The following PPP2R2C variants were observed in gnomAD, a reference collection of about 807,000 sequenced individuals.
PPP2R2C encodes the protein protein phosphatase 2 regulatory subunit Bgamma, also known as protein phosphatase 2, regulatory subunit B, gamma.
Under a neutral mutation model 45.3 loss-of-function variants are expected in PPP2R2C, and 10 were observed. The observed-to-expected ratio is 0.22, with a 90% CI of 0.14 to 0.37. The LOEUF (loss-of-function observed/expected upper bound fraction) is 0.37, where lower values mean the gene tolerates loss of function less well. Ranked by LOEUF, PPP2R2C falls within the 10% of genes least tolerant of loss-of-function variation. PPP2R2C has a pLI of 1.00. For synonymous variants in PPP2R2C, 257 were observed against 245.4 expected (o/e 1.05, Z -0.44); for missense variants, 308 against 619.7 (o/e 0.50, Z 5.34).
intron 1 of PPP2R2C, among the ~76,000 whole-genome samples, chr4:6,424,406 C>G (rs973621575): frequency 5.9e-5 from 9 of 152,210 alleles, no homozygotes; most frequent in Non-Finnish European, 8.8e-5. Flanking sequence ...CCTGGGGCCC[C>G]TCTGCAGAGA....
At chr4:6,510,373 TG>T (rs1362212934) in intron 2 of PPP2R2C, among the ~76,000 whole-genome samples, 1 of 152,120 alleles carries the variant, frequency 6.6e-6, no homozygotes, top group Non-Finnish European at 1.5e-5. Context: ...TCTCTGGTCT[TG>T]GTTCAAATGA....
rs1032321120 is a variant in PPP2R2C at position 6,381,020 on chromosome 4, C to T, written c.145G>A (p.Val49Ile). The change falls in exon 2 of 9, where the codon GTC becomes ATC. Residue 49 changes from valine (V) to isoleucine (I), a missense_variant. Coordinates refer to ENST00000382599, the MANE Select transcript of PPP2R2C (RefSeq NM_020416.4). ...ACCTCTGGTTCCCGCTGGAAGATGA[C>T]GACCCGGCCGCCCTTGTCACCTGTG... ...LATGDKGGRV[V>I]IFQREPESKN... The T allele has an allele frequency of 4.5e-6, 7 of 1,548,606 alleles. No homozygotes were observed. The highest frequency in any genetic ancestry group is 1.8e-5 in the Admixed American group (1 of 55,552).
intron 2 of PPP2R2C, among the ~76,000 whole-genome samples, chr4:6,497,516 T>C (rs1180128763): frequency 3.9e-5 from 6 of 151,938 alleles, no homozygotes; most frequent in Admixed American, 3.9e-4. Context: ...TAGACAAAAA[T>C]AAATACTAAG....
At chr4:6,354,363 T>C (rs1712943771) in intron 5 of PPP2R2C, among the ~76,000 whole-genome samples, 1 of 152,214 alleles carries the variant, frequency 6.6e-6, no homozygotes, top group South Asian at 2.1e-4. Context: ...TCCTAGTCTC[T>C]GCCTGAACAC....
intron 6 of PPP2R2C, 31 bp from the exon 7 acceptor site, chr4:6,333,762 T>C: frequency 1.2e-6 from 2 of 1,612,794 alleles, no homozygotes; most frequent in South Asian, 1.1e-5. Flanking sequence ...TGGCCGTCAC[T>C]GCGCTGCTCC....
chr4:6,503,415 C>A (rs1269839826), intron 2 of PPP2R2C, among the ~76,000 whole-genome samples: 2 of 152,198 alleles, frequency 1.3e-5, no homozygotes, highest in Non-Finnish European at 2.9e-5. Context: ...AGTTGCCTCC[C>A]CTCCCATCAC....
chr4:6,544,170 C>T (rs1050085404), intron 1 of PPP2R2C, among the ~76,000 whole-genome samples: 1 of 152,188 alleles, frequency 6.6e-6, no homozygotes, highest in Non-Finnish European at 1.5e-5. Context: ...GACAGTGGAG[C>T]CTGGTTCCTG....
intron 1 of PPP2R2C, among the ~76,000 whole-genome samples, chr4:6,447,751 AG>A (rs1720507902): frequency 6.6e-6 from 1 of 152,030 alleles, no homozygotes; most frequent in South Asian, 2.1e-4. Context: ...TCTACCTCGT[AG>A]GAACAGCGTG....
At chr4:6,519,233 C>T (rs1441907663) in intron 2 of PPP2R2C, among the ~76,000 whole-genome samples, 1 of 152,130 alleles carries the variant, frequency 6.6e-6, no homozygotes, top group East Asian at 1.9e-4. Flanking sequence ...TTTCTAGGAG[C>T]CTTAGGTTAC....
chr4:6,472,646 T>C (rs866112824), upstream of PPP2R2C, among the ~76,000 whole-genome samples: 189 of 148,710 alleles, frequency 1.3e-3, no homozygotes, highest in African/African-American at 4.3e-3. Context: ...GCCGCCGCTG[T>C]CGCAGGCCCC....
In PPP2R2C at chr4:6,563,572, C is replaced by T. The variant is rs1405814676; in HGVS notation, c.-71G>A. ...AGCCCGCGCTTACCTTCGGAAACTT[C>T]GAGGTCGGCGGCCCCATTGAGCTGG... On this transcript the variant is annotated 5_prime_UTR_variant, in exon 1 of 10. Coordinates refer to the PPP2R2C transcript ENST00000506140. The surrounding 1 kb of genome is among the most constrained non-coding windows in gnomAD (Gnocchi z 5.8). 6.6e-6 allele frequency: 1 copy of T among 152,526 alleles called. No individual in the cohort carries two copies. The highest frequency in any genetic ancestry group is 1.5e-5 in the Non-Finnish European group (1 of 68,008). 9.4% of individuals were successfully genotyped at this position (152,526 alleles called of 1,614,324 possible).
At chr4:6,385,312 C>G (rs935262010) in intron 1 of PPP2R2C, among the ~76,000 whole-genome samples, 2 of 152,304 alleles carry the variant, frequency 1.3e-5, no homozygotes, top group African/African-American at 4.8e-5. Flanking sequence ...TGTTTAATGT[C>G]TACTCATTTT....
intron 1 of PPP2R2C, among the ~76,000 whole-genome samples, chr4:6,400,202 G>A (rs1019800650): frequency 2.1e-4 from 32 of 152,082 alleles, no homozygotes; most frequent in African/African-American, 7.2e-4. Flanking sequence ...ATAGATGTTC[G>A]ACAATACCTC....
At chr4:6,404,311 G>A (rs988568021) in intron 1 of PPP2R2C, among the ~76,000 whole-genome samples, 1 of 152,282 alleles carries the variant, frequency 6.6e-6, no homozygotes, top group South Asian at 2.1e-4. Context: ...GCAAGGGGCA[G>A]GCACACAGAG....
At chr4:6,424,177 G>C (rs1719145657) in intron 1 of PPP2R2C, among the ~76,000 whole-genome samples, 1 of 152,322 alleles carries the variant, frequency 6.6e-6, no homozygotes, top group South Asian at 2.1e-4. Flanking sequence ...CAGCTCTGGA[G>C]AGGAAGTCAC....
chr4:6,387,682 G>A lies in PPP2R2C; in HGVS notation c.71-6588C>T, dbSNP rs565943333. Among the ~76,000 whole-genome samples, 67 of 152,116 alleles carry A rather than the reference G, an allele frequency of 4.4e-4. No homozygotes were observed. In the South Asian group the frequency reaches 0.012, roughly 26 times the overall value. On this transcript the variant is annotated intron_variant, in intron 1 of 8. Coordinates refer to ENST00000382599, the MANE Select transcript of PPP2R2C (RefSeq NM_020416.4). Reference sequence around the variant, plus strand: ...AAAAAAATTATCCGGGCATGGTGGCGGGCGCCTGTAATCCCAGCTATCTGG... The same window carrying A: ...AAAAAAATTATCCGGGCATGGTGGCAGGCGCCTGTAATCCCAGCTATCTGG...
intron 1 of PPP2R2C, among the ~76,000 whole-genome samples, chr4:6,393,987 A>C (rs1716840654): frequency 6.6e-6 from 1 of 152,204 alleles, no homozygotes; most frequent in Non-Finnish European, 1.5e-5. Context: ...GGACAGGGTC[A>C]AGGTGAGGGA....
intron 2 of PPP2R2C, among the ~76,000 whole-genome samples, chr4:6,519,282 C>A (rs937814185): frequency 1.3e-5 from 2 of 152,272 alleles, no homozygotes; most frequent in Admixed American, 6.5e-5. Context: ...AGAGCCCCCA[C>A]GGCACCTAGG....
chr4:6,357,940 C>T lies in PPP2R2C; in HGVS notation c.626-9930G>A, dbSNP rs139739872. Among the ~76,000 whole-genome samples, 2 of 152,312 alleles carry T rather than the reference C, an allele frequency of 1.3e-5. 1 individual carries two copies. Among genetic ancestry groups the T allele is most frequent in the Admixed American group, 1.3e-4 (2 of 15,300 alleles). ...GTTTTTATAGAAACTCCTTCATCTCCCCATCAAGCTACTAATGACTTTCTT... is the reference window on the plus strand; with the variant it reads ...GTTTTTATAGAAACTCCTTCATCTCTCCATCAAGCTACTAATGACTTTCTT... On this transcript the variant is annotated intron_variant, in intron 5 of 8. Transcript: ENST00000382599.
Sources: allele counts gnomAD v4.1 joint callset (sites outside exome capture counted in the v4.1 genomes callset), GRCh38; gene constraint gnomAD v4.1.1; non-coding constraint Gnocchi (gnomAD v3.1); transcripts MANE v1.5; gene names NCBI Gene and HGNC (gene_info 2026-07-23, HGNC 2026-07-21).